The following CNMD variants were observed in gnomAD, a reference collection of about 807,000 sequenced individuals.
CNMD encodes chondromodulin.
CNMD carries 30 observed loss-of-function variants against 37.5 expected under a neutral mutation model. The observed-to-expected ratio is 0.80, with a 90% CI of 0.60 to 1.09. The LOEUF (loss-of-function observed/expected upper bound fraction) is 1.09. CNMD is among the 50% of genes least tolerant of loss of function. The pLI is 0.00. For missense variants in CNMD, 398 were observed against 423.9 expected, an observed-to-expected ratio of 0.94 and a Z score of 0.54; for synonymous variants, 167 against 148.2, an observed-to-expected ratio of 1.13 and a Z score of -0.92.
chr13:52,736,414 C>T lies in CNMD; in HGVS notation c.213+2617G>A, dbSNP rs374066071. On this transcript the variant is annotated intron_variant, in intron 2 of 6. Transcript: ENST00000377962. ...AAAGTGCTGGGATTACAGACGTGAGCCACCACGCCTGGCCTGCAGCCCACC... is the reference window on the plus strand; with the variant it reads ...AAAGTGCTGGGATTACAGACGTGAGTCACCACGCCTGGCCTGCAGCCCACC... 1.2e-3 allele frequency among the ~76,000 whole-genome samples: 185 copies of T among 152,332 alleles called. 4 individuals are homozygous for T. The South Asian group carries it at 0.037, about 31-fold the overall frequency.
intron 5 of CNMD, among the ~76,000 whole-genome samples, chr13:52,709,789 A>AGCC (rs1299554137): frequency 6.6e-6 from 1 of 152,194 alleles, no homozygotes; most frequent in Non-Finnish European, 1.5e-5. Flanking sequence ...CCTGGTCAAC[A>AGCC]TGGTGAAACT....
At chr13:52,720,876 G>A (rs1275161272) in intron 4 of CNMD, among the ~76,000 whole-genome samples, 4 of 152,196 alleles carry the variant, frequency 2.6e-5, no homozygotes, top group Non-Finnish European at 4.4e-5. Context: ...AGGCAGGGAC[G>A]TTTAAGTCTG....
At chr13:52,708,761 T>G in intron 5 of CNMD, 59 bp from the exon 6 acceptor site, 1 of 1,362,464 alleles carries the variant, frequency 7.3e-7, no homozygotes, top group East Asian at 2.3e-5. Flanking sequence ...ATTAGATCTG[T>G]GTTTATCAGG....
chr13:52,736,695 C>T (rs1240481205), intron 2 of CNMD, among the ~76,000 whole-genome samples: 2 of 152,138 alleles, frequency 1.3e-5, no homozygotes, highest in African/African-American at 4.8e-5. Context: ...AATATGGTGC[C>T]TTTTACAGCC....
intron 5 of CNMD, among the ~76,000 whole-genome samples, chr13:52,710,941 T>G (rs974151802): frequency 1.3e-5 from 2 of 152,216 alleles, no homozygotes; most frequent in Non-Finnish European, 2.9e-5. Flanking sequence ...TTGCCAATAA[T>G]GCTGTGTTCC....
At chr13:52,726,590 C>T (rs1394276868) in intron 3 of CNMD, among the ~76,000 whole-genome samples, 1 of 149,720 alleles carries the variant, frequency 6.7e-6, no homozygotes, top group Non-Finnish European at 1.5e-5. Flanking sequence ...TAACCAACAC[C>T]AAAAGTCCAC....
intron 3 of CNMD, among the ~76,000 whole-genome samples, chr13:52,731,437 T>C (rs1421369477): frequency 1.3e-5 from 2 of 152,122 alleles, no homozygotes; most frequent in African/African-American, 4.8e-5. Context: ...GATTCATGTG[T>C]TTTCAAAAGT....
At position 52,712,795 on chromosome 13, in the gene CNMD, G is replaced by GTCCT. The variant is rs553523982; in HGVS notation, c.539_542dup (p.Asp181GlufsTer9). ...ACACCTTAGAACTCAAGAAGCTGTT[G>GTCCT]TCCTTCACAGGCTGATCTACAGCCA... is the stretch of plus-strand genomic sequence containing the variant. On this transcript the variant is annotated frameshift_variant, in exon 5 of 7. Coordinates refer to ENST00000377962, the MANE Select transcript of CNMD (RefSeq NM_007015.3). LOFTEE classifies it high-confidence loss of function. The GTCCT allele has an allele frequency of 3.3e-4, 530 of 1,597,282 alleles. 3 individuals are homozygous for GTCCT. The highest frequency in any genetic ancestry group is 3.9e-4 in the Non-Finnish European group (459 of 1,171,712).
At chr13:52,715,711 A>G (rs1040666480) in intron 4 of CNMD, among the ~76,000 whole-genome samples, 4 of 152,180 alleles carry the variant, frequency 2.6e-5, no homozygotes, top group East Asian at 1.9e-4. Flanking sequence ...ATAGTATTCT[A>G]TGGTGTACAT....
intron 4 of CNMD, among the ~76,000 whole-genome samples, chr13:52,721,162 A>G (rs1013014192): frequency 2.0e-5 from 3 of 152,078 alleles, no homozygotes; most frequent in African/African-American, 7.2e-5. Flanking sequence ...ACCAAGCTCA[A>G]GTGTCCCAGG....
chr13:52,739,172 C>T lies in CNMD; in HGVS notation c.73-1G>A. Reference sequence around the variant, plus strand: ...GCTTCACCGTCAGCGTAGCGTACGCCTGCGGGCCGGGGCGGGAGAGGGACC... The same window carrying T: ...GCTTCACCGTCAGCGTAGCGTACGCTTGCGGGCCGGGGCGGGAGAGGGACC... On this transcript the variant is annotated splice_acceptor_variant, in intron 1 of 6. Transcript: ENST00000377962. LOFTEE classifies it high-confidence loss of function. This position sits in a 1 kb window ranked among gnomAD's most constrained non-coding sequence, Gnocchi z 5.4. 2 of 1,486,636 alleles carry T rather than the reference C, an allele frequency of 1.3e-6. No homozygotes were observed. The highest frequency in any genetic ancestry group is 8.9e-7 in the Non-Finnish European group (1 of 1,124,734). 92.1% of individuals were successfully genotyped at this position (1,486,636 alleles called of 1,614,324 possible).
At chr13:52,727,413 A>G (rs1162834259) in intron 3 of CNMD, among the ~76,000 whole-genome samples, 1 of 151,988 alleles carries the variant, frequency 6.6e-6, no homozygotes, top group African/African-American at 2.4e-5. Flanking sequence ...TGTAATCCCA[A>G]CACTTTGGGA....
Position 52,739,792 on chromosome 13 carries a change from G to A in CNMD, c.-91C>T. ...CCGACGTGCAGGGCATTTCAACGCC[G>A]CGCGCACACACGGTGCACGGTCCCG... On this transcript the variant is annotated 5_prime_UTR_variant, in exon 1 of 7. Coordinates refer to ENST00000377962, the MANE Select transcript of CNMD (RefSeq NM_007015.3). This position sits in a 1 kb window ranked among gnomAD's most constrained non-coding sequence, Gnocchi z 5.4. 4 of 1,128,860 alleles carry A rather than the reference G, an allele frequency of 3.5e-6. No homozygotes were observed. The highest frequency in any genetic ancestry group is 5.3e-6 in the Non-Finnish European group (4 of 755,640). The allele number at this position is 1,128,860 out of a possible 1,614,324, so 69.9% of individuals were successfully genotyped here.
At position 52,703,709 on chromosome 13, in the gene CNMD, A is replaced by G. The variant is rs1594272692; in HGVS notation, c.891T>C (p.Cys297=). 3 of 1,613,912 alleles carry G rather than the reference A, an allele frequency of 1.9e-6. No homozygotes were observed. Among genetic ancestry groups the G allele is most frequent in the Non-Finnish European group, 8.5e-7 (1 of 1,179,766 alleles). The part of the protein sequence containing the change: ...RRSYTHCQKI[C]EPLGGYYPWP... ...ATGGGTAATAGCCCCCCAGGGGTTC[A>G]CAGATCTTCTGGCAGTGGGTGTAGC... The change falls in exon 7 of 7, where the codon TGT becomes TGC. Residue 297 remains cysteine (C), a synonymous_variant. Coordinates refer to ENST00000377962, the MANE Select transcript of CNMD (RefSeq NM_007015.3).
chr13:52,732,187 G>A (rs552247467), intron 3 of CNMD, among the ~76,000 whole-genome samples: 61 of 152,152 alleles, frequency 4.0e-4, no homozygotes, highest in Non-Finnish European at 7.4e-4. Context: ...AAGATGGGTC[G>A]ATGAGGTGTT....
intron 4 of CNMD, among the ~76,000 whole-genome samples, chr13:52,717,710 T>C (rs1964413572): frequency 6.6e-6 from 1 of 152,244 alleles, no homozygotes; most frequent in Non-Finnish European, 1.5e-5. Context: ...TCGTTGTGGA[T>C]AAGCTTTTTG....
chr13:52,703,772 C>T lies in CNMD; in HGVS notation c.828G>A (p.Leu276=), dbSNP rs764222659. ...EGESMTFDPR[L]DHEGICCIEC... ...CTATACAACAGATTCCTTCGTGATC[C>T]AGTCTAGGGTCGAATGTCATGCTTT... The change falls in exon 7 of 7, where the codon CTG becomes CTA. Residue 276 remains leucine (L), a synonymous_variant. Transcript: ENST00000377962. 6.2e-7 allele frequency: 1 copy of T among 1,614,032 alleles called. No individual in the cohort carries two copies. Among genetic ancestry groups the T allele is most frequent in the Non-Finnish European group, 8.5e-7 (1 of 1,179,904 alleles).
At chr13:52,718,932 A>C (rs547337731) in intron 4 of CNMD, among the ~76,000 whole-genome samples, 104 of 151,506 alleles carry the variant, frequency 6.9e-4, no homozygotes, top group Middle Eastern at 6.8e-3. Flanking sequence ...GGGGTGTTAA[A>C]GTCTCCCACT....
chr13:52,708,542 A>C lies in CNMD; in HGVS notation c.783T>G (p.Pro261=). ...AAAAAGCACCGGAACGCACATGATA[A>C]GGATTATCAGGATTGAAGGCTTGTG... ...EDSQAFNPDN[P]YHQQEGESMT... is the part of the protein sequence containing the mutation. Residue 261 remains proline (P), a synonymous_variant, in exon 6 of 7, where the codon CCT becomes CCG. Coordinates refer to ENST00000377962, the MANE Select transcript of CNMD (RefSeq NM_007015.3). 1 of 1,606,738 alleles carries C rather than the reference A, an allele frequency of 6.2e-7. No homozygotes were observed. Among genetic ancestry groups the C allele is most frequent in the South Asian group, 1.1e-5 (1 of 89,046 alleles).
Sources: gnomAD v4.1 joint callset for allele counts (sites outside exome capture counted in the v4.1 genomes callset) on GRCh38, gnomAD v4.1.1 for gene constraint, Gnocchi (gnomAD v3.1) non-coding constraint, MANE v1.5 for transcripts, NCBI Gene and HGNC (gene_info 2026-07-23, HGNC 2026-07-21) for gene names.